NOTCH1: variants seen among roughly 807,000 people sequenced by gnomAD.
NOTCH1 encodes the protein neurogenic locus notch homolog protein 1.
A neutral mutation model predicts 254.8 loss-of-function variants in NOTCH1; 37 were observed. That is an observed-to-expected ratio of 0.15 (90% CI 0.11 to 0.19). NOTCH1 has a LOEUF of 0.19. Ranked by LOEUF, NOTCH1 falls within the 10% of genes least tolerant of loss-of-function variation. The pLI is 1.00. For synonymous variants in NOTCH1, 1,731 were observed against 1,618.1 expected, an observed-to-expected ratio of 1.07 and a Z score of -1.68; for missense variants, 2,972 against 3,708.6, an observed-to-expected ratio of 0.80 and a Z score of 5.16.
chr9:136,533,306 G>GAC (rs1170007067), intron 2 of NOTCH1, among the ~76,000 whole-genome samples: 43 of 44,952 alleles, frequency 9.6e-4, no homozygotes, highest in African/African-American at 1.3e-3. Flanking sequence ...CCAGTGCCCA[G>GAC]CCTGAGCTCA....
intron 5 of NOTCH1, 130 bp downstream of exon 5, chr9:136,519,313 C>T (rs1040216909): frequency 6.7e-6 from 9 of 1,352,120 alleles, no homozygotes; most frequent in African/African-American, 1.4e-5. Context: ...TTGTCCTTCT[C>T]GGCCAACCCT....
chr9:136,497,827 G>T (rs1391778997), intron 33 of NOTCH1, among the ~76,000 whole-genome samples: 2 of 152,184 alleles, frequency 1.3e-5, no homozygotes, highest in Non-Finnish European at 2.9e-5. Context: ...CACCTCTATG[G>T]GGGGGTCACA....
At chr9:136,503,894 C>T (rs1400278833) in intron 26 of NOTCH1, among the ~76,000 whole-genome samples, 2 of 152,256 alleles carry the variant, frequency 1.3e-5, no homozygotes, top group African/African-American at 4.8e-5. Context: ...ACACGAAGGG[C>T]ACAACCAACC....
In NOTCH1 at chr9:136,523,732, G is replaced by C. The variant is rs756319442; in HGVS notation, c.388C>G (p.Pro130Ala). ...LTLTEYKCRC[P>A]PGWSGKSCQQ... Reference sequence around the variant, plus strand: ...CCTCCCTCACCTGACCAGCCGGGCGGGCAGCGGCACTTGTACTCCGTCAGC... The same window carrying C: ...CCTCCCTCACCTGACCAGCCGGGCGCGCAGCGGCACTTGTACTCCGTCAGC... Residue 130 changes from proline (P) to alanine (A), a missense_variant, in exon 3 of 34, where the codon CCG (proline) becomes GCG (alanine). This residue lies in a region of NOTCH1 where 374 missense variants were observed against 496.3 expected (regional missense o/e 0.75). Coordinates refer to ENST00000651671, the MANE Select transcript of NOTCH1 (RefSeq NM_017617.5). 6.2e-7 allele frequency: 1 copy of C among 1,608,406 alleles called. No individual in the cohort carries two copies. The highest frequency in any genetic ancestry group is 1.7e-5 in the Admixed American group (1 of 59,600).
In NOTCH1 at chr9:136,540,408, C is replaced by A. The variant is rs544605516; in HGVS notation, c.140+3616G>T. ...TTCCCCAGAGCCGGCAAGTCCCTCC[C>A]CAGGCAGTGCCAGGCCCAGCCCACC... is the stretch of plus-strand genomic sequence containing the variant. On this transcript the variant is annotated intron_variant, in intron 2 of 33. Coordinates refer to ENST00000651671, the MANE Select transcript of NOTCH1 (RefSeq NM_017617.5). This position sits in a 1 kb window ranked among gnomAD's most constrained non-coding sequence, Gnocchi z 4.4. Among the ~76,000 whole-genome samples the A allele has an allele frequency of 1.3e-5, 2 of 152,326 alleles. No individual in the cohort carries two copies. Among genetic ancestry groups the A allele is most frequent in the African/African-American group, 4.8e-5 (2 of 41,576 alleles).
intron 12 of NOTCH1, among the ~76,000 whole-genome samples, chr9:136,514,999 G>A (rs1029013798): frequency 6.6e-6 from 1 of 152,228 alleles, no homozygotes; most frequent in Admixed American, 6.5e-5. Context: ...GAGCCACAGA[G>A]GCAGAAGGTA....
intron 31 of NOTCH1, 98 bp downstream of exon 31, chr9:136,500,454 G>A (rs1842977513): frequency 1.1e-5 from 16 of 1,458,296 alleles, no homozygotes; most frequent in South Asian, 3.4e-5. Flanking sequence ...AGCTGTGCTC[G>A]GGGTCAGGCT....
At chr9:136,524,639 C>CTTTTTTT (rs869128901) in intron 2 of NOTCH1, among the ~76,000 whole-genome samples, 17 of 54,398 alleles carry the variant, frequency 3.1e-4, no homozygotes, top group African/African-American at 6.0e-4. Flanking sequence ...TTTTTCTTTT[C>CTTTTTTT]TTTTTTTTTT....
At position 136,518,396 on chromosome 9, in the gene NOTCH1, G is replaced by A. The variant is rs905948749; in HGVS notation, c.1100-104C>T. 36 of 1,461,120 alleles carry A rather than the reference G, an allele frequency of 2.5e-5. 1 individual carries two copies. Among genetic ancestry groups the A allele is most frequent in the South Asian group, 1.1e-4 (9 of 82,270 alleles). 90.5% of individuals were successfully genotyped at this position (1,461,120 alleles called of 1,614,324 possible). On this transcript the variant is annotated intron_variant, in intron 6 of 33. Transcript: ENST00000651671. Reference sequence around the variant, plus strand: ...ACTGACACCCCAGGAGGAGCTGCCCGCCGTGACCCCGTCGGGCATCCCGTG... The same window carrying A: ...ACTGACACCCCAGGAGGAGCTGCCCACCGTGACCCCGTCGGGCATCCCGTG...
intron 10 of NOTCH1, 36 bp downstream of exon 10, chr9:136,515,945 C>T: frequency 6.5e-7 from 1 of 1,542,230 alleles, no homozygotes; most frequent in Non-Finnish European, 8.9e-7. Context: ...CTGTCCCGTC[C>T]CCAGTCCCTC....
intron 11 of NOTCH1, 26 bp downstream of exon 11, chr9:136,515,457 C>CGCCGGCCACCCGCCTG: frequency 6.2e-7 from 1 of 1,611,454 alleles, no homozygotes; most frequent in Non-Finnish European, 8.5e-7. Flanking sequence ...ACTGGCCCCC[C>CGCCGGCCACCCGCCTG]GCCGGCCACC....
rs758360100 is a variant in NOTCH1 at position 136,509,798 on chromosome 9, C to G, written c.2904G>C (p.Thr968=). 15 of 1,612,988 alleles carry G rather than the reference C, an allele frequency of 9.3e-6. No individual in the cohort carries two copies. The highest frequency in any genetic ancestry group is 1.2e-5 in the Non-Finnish European group (14 of 1,180,018). The part of the protein sequence containing the change: ...ANCTDCVDSY[T]CTCPAGFSGI... ...CGCTGAAGCCTGCGGGGCAGGTGCA[C>G]GTGTAGCTGTCCACGCAGTCCGTGC... is the stretch of plus-strand genomic sequence containing the variant. Residue 968 remains threonine (T), a synonymous_variant, in exon 18 of 34, where the codon ACG becomes ACC. Transcript: ENST00000651671.
At chr9:136,509,579 G>A (rs1380964308) in intron 18 of NOTCH1, among the ~76,000 whole-genome samples, 154 bp downstream of exon 18, 3 of 152,202 alleles carry the variant, frequency 2.0e-5, no homozygotes, top group African/African-American at 7.2e-5. Context: ...GGAGGGACAG[G>A]TCGGTACAAT....
At position 136,518,117 on chromosome 9, in the gene NOTCH1, C is replaced by A. The variant is rs1253206998; in HGVS notation, c.1255+20G>T. On this transcript the variant is annotated intron_variant, in intron 7 of 33. Transcript: ENST00000651671. Reference sequence around the variant, plus strand: ...AGGCTGCCACCCCCACCTGGCCGCACCCCCTGTGCTGGCACCTACCCAGCG... The same window carrying A: ...AGGCTGCCACCCCCACCTGGCCGCAACCCCTGTGCTGGCACCTACCCAGCG... 8 of 1,574,730 alleles carry A rather than the reference C, an allele frequency of 5.1e-6. No homozygotes were observed. The highest frequency in any genetic ancestry group is 6.0e-6 in the Non-Finnish European group (7 of 1,162,862).
rs913505385 is a variant in NOTCH1, at chr9:136,505,017, C to A, written c.4674G>T (p.Gly1558=). ...GCNSAECEWD[G]LDCAEHVPER... is the part of the protein sequence containing the mutation. The stretch of plus-strand genomic sequence containing the variant: ...CGGGTACATGCTCCGCACAGTCCAG[C>A]CCGTCCCACTCGCACTCCGCGCTGT... Residue 1558 remains glycine (G), a synonymous_variant, in exon 26 of 34, where the codon GGG becomes GGT. Transcript: ENST00000651671. 6.2e-7 allele frequency: 1 copy of A among 1,604,868 alleles called. No homozygotes were observed. Among genetic ancestry groups the A allele is most frequent in the African/African-American group, 1.3e-5 (1 of 74,932 alleles).
At chr9:136,516,607 G>T (rs1275218367) in intron 9 of NOTCH1, among the ~76,000 whole-genome samples, 12 of 152,218 alleles carry the variant, frequency 7.9e-5, no homozygotes, top group Admixed American at 7.2e-4. Context: ...GTGCCGTTGG[G>T]CAGGGGACAT....
rs2133353868 is a variant in NOTCH1, at chr9:136,510,896, C to T, written c.2588-91G>A. ...GGCCCACCCACCTACAGTGCCTCTCCCGACCCAGGAGTAGGCTTCCGTGAC... is the reference window on the plus strand; with the variant it reads ...GGCCCACCCACCTACAGTGCCTCTCTCGACCCAGGAGTAGGCTTCCGTGAC... On this transcript the variant is annotated intron_variant, in intron 16 of 33. Transcript: ENST00000651671. The T allele has an allele frequency of 1.9e-6, 3 of 1,563,156 alleles. No homozygotes were observed. In the South Asian group the frequency reaches 3.3e-5, roughly 17 times the overall value.
intron 2 of NOTCH1, among the ~76,000 whole-genome samples, chr9:136,530,363 A>G (rs2133388057): frequency 6.6e-6 from 1 of 152,344 alleles, no homozygotes; most frequent in South Asian, 2.1e-4. Context: ...GGGAGGCGGG[A>G]TGGGGACAGA....
In NOTCH1 at chr9:136,513,113, ATGT is replaced by A; in HGVS notation, c.2372_2374del (p.Asn791del). On this transcript the variant is annotated inframe_deletion, in exon 15 of 34. Coordinates refer to ENST00000651671, the MANE Select transcript of NOTCH1 (RefSeq NM_017617.5). The surrounding 1 kb of genome is among the most constrained non-coding windows in gnomAD (Gnocchi z 4.7). Reference sequence around the variant, plus strand: ...ACATGGGTTGGACGCACACTCGTTGATGTTGGTCTGGCAGTTGGGACCTGGAGG... The same window carrying A: ...ACATGGGTTGGACGCACACTCGTTGATGGTCTGGCAGTTGGGACCTGGAGG... 6.2e-7 allele frequency: 1 copy of A among 1,612,286 alleles called. No individual in the cohort carries two copies.
Sources: gnomAD v4.1 joint callset for allele counts (sites outside exome capture counted in the v4.1 genomes callset) on GRCh38, gnomAD v4.1.1 for gene constraint, gnomAD v4.1.1 regional missense constraint, Gnocchi (gnomAD v3.1) non-coding constraint, MANE v1.5 for transcripts, NCBI Gene and HGNC (gene_info 2026-07-23, HGNC 2026-07-21) for gene names.